Variants in USH2A observed in about 807,000 individuals in gnomAD.
USH2A encodes usherin.
In USH2A, 443 loss-of-function variants were observed where a neutral mutation model predicts 538.9. The observed-to-expected ratio is 0.82, with a 90% CI of 0.76 to 0.89. The LOEUF (loss-of-function observed/expected upper bound fraction) is 0.89. Ranked by LOEUF, USH2A falls within the 40% of genes least tolerant of loss-of-function variation. The pLI, the probability that USH2A is intolerant of heterozygous loss-of-function variation, is 0.00. For synonymous variants in USH2A, 2,413 were observed against 2,273.5 expected (o/e 1.06, Z -1.75); for missense variants, 6,633 against 6,324.8 (o/e 1.05, Z -1.65).
chr1:215,880,250 A>C (rs1375084308), intron 41 of USH2A, among the ~76,000 whole-genome samples: 3 of 152,172 alleles, frequency 2.0e-5, no homozygotes, highest in Non-Finnish European at 1.5e-5. Flanking sequence ...ATCTTAAATC[A>C]AAGGGAGAAG....
At chr1:215,679,363 G>A (rs1009302495) in intron 62 of USH2A, among the ~76,000 whole-genome samples, 2 of 152,182 alleles carry the variant, frequency 1.3e-5, no homozygotes, top group Non-Finnish European at 2.9e-5. Context: ...GCAGCTGCAG[G>A]CTGGGGGACT....
At chr1:215,867,796 G>A (rs145633352) in intron 43 of USH2A, among the ~76,000 whole-genome samples, 3 of 152,178 alleles carry the variant, frequency 2.0e-5, no homozygotes, top group Non-Finnish European at 4.4e-5. Context: ...AGTGGAAACC[G>A]AATATTACTT....
chr1:216,065,226 A>C (rs934316175), intron 30 of USH2A, among the ~76,000 whole-genome samples: 14 of 152,222 alleles, frequency 9.2e-5, no homozygotes, highest in Non-Finnish European at 1.5e-5. Flanking sequence ...TATCCTTCAG[A>C]ATCTTGGGAG....
chr1:215,873,078 A>G (rs1664664332), intron 43 of USH2A, among the ~76,000 whole-genome samples: 1 of 152,122 alleles, frequency 6.6e-6, no homozygotes, highest in South Asian at 2.1e-4. Context: ...GAGGTAACAC[A>G]TAATATGATG....
chr1:215,795,533 G>T (rs749404053), intron 50 of USH2A, among the ~76,000 whole-genome samples: 1 of 152,108 alleles, frequency 6.6e-6, no homozygotes, highest in Admixed American at 6.6e-5. Context: ...AACAAAGGAC[G>T]GAGTATAGCA....
rs576482240 is a variant in USH2A, at chr1:216,253,089, G to A, written c.1972-1991C>T. 2.0e-5 allele frequency among the ~76,000 whole-genome samples: 3 copies of A among 151,204 alleles called. No individual in the cohort carries two copies. In the East Asian group the frequency reaches 5.8e-4, roughly 29 times the overall value. ...ACTTTTTCAAAGAGCAAGGAAGTGT[G>A]CAAAAGGTAAAGAGAAATAAAAGTG... is the stretch of plus-strand genomic sequence containing the variant. On this transcript the variant is annotated intron_variant, in intron 11 of 71. Transcript: ENST00000307340.
At chr1:216,261,998 C>G (rs759943950) in intron 11 of USH2A, among the ~76,000 whole-genome samples, 8 of 152,190 alleles carry the variant, frequency 5.3e-5, no homozygotes, top group Admixed American at 1.3e-4. Context: ...AGAGACTACA[C>G]TACTGTGCCC....
At chr1:216,070,727 A>C (rs1395380297) in intron 29 of USH2A, among the ~76,000 whole-genome samples, 1 of 152,092 alleles carries the variant, frequency 6.6e-6, no homozygotes, top group Non-Finnish European at 1.5e-5. Context: ...AAAAAATCAC[A>C]AATGTGATTG....
chr1:216,012,337 C>T (rs888574351), intron 32 of USH2A, among the ~76,000 whole-genome samples: 1 of 152,004 alleles, frequency 6.6e-6, no homozygotes, highest in African/African-American at 2.4e-5. Context: ...CAGGCCCTTC[C>T]CTACACATCA....
intron 61 of USH2A, among the ~76,000 whole-genome samples, chr1:215,705,687 A>G (rs1016471998): frequency 1.3e-5 from 2 of 152,210 alleles, no homozygotes; most frequent in African/African-American, 4.8e-5. Context: ...TCTTGGTCAC[A>G]ACACTAATGG....
intron 4 of USH2A, among the ~76,000 whole-genome samples, chr1:216,352,472 G>A (rs1157764589): frequency 6.6e-6 from 1 of 150,762 alleles, no homozygotes; most frequent in Non-Finnish European, 1.5e-5. Flanking sequence ...TTTGACAAGT[G>A]TAGCTTAAGT....
chr1:216,034,718 G>T (rs970305588), intron 32 of USH2A, among the ~76,000 whole-genome samples: 5 of 152,092 alleles, frequency 3.3e-5, no homozygotes, highest in Non-Finnish European at 5.9e-5. Context: ...CTGACTGTCA[G>T]AATACCACTG....
rs55865063 is a variant in USH2A at position 216,070,025 on chromosome 1, T to C, written c.6049+76A>G. ...TTTAATACATTTTTCTAAAAAACAT[T>C]TGCAGAAGATTTTTATTTAAAATGC... is the stretch of plus-strand genomic sequence containing the variant. On this transcript the variant is annotated intron_variant, in intron 30 of 71. Coordinates refer to ENST00000307340, the MANE Select transcript of USH2A (RefSeq NM_206933.4). 28 of 1,527,150 alleles carry C rather than the reference T, an allele frequency of 1.8e-5. No individual in the cohort carries two copies. The East Asian group carries it at 6.5e-4, about 36-fold the overall frequency. The allele number at this position is 1,527,150 out of a possible 1,614,324, so 94.6% of individuals were successfully genotyped here. A position where few individuals can be genotyped will look rare whatever the true frequency, so the allele number is the denominator to read the frequency against.
In USH2A at chr1:216,325,332, T is replaced by C. The variant is rs754923350; in HGVS notation, c.1116A>G (p.Ser372=). The C allele has an allele frequency of 1.2e-6, 2 of 1,613,800 alleles. No individual in the cohort carries two copies. The highest frequency in any genetic ancestry group is 2.2e-5 in the South Asian group (2 of 91,060). ...GATACTGTCCATTTTCCAAATCAAC[T>C]GAAATAGTCACTCCTTGATTAAGCT... ...ITQLNQGVTI[S]VDLENGQYQV... The change falls in exon 6 of 72, where the codon TCA becomes TCG. Residue 372 remains serine, a synonymous_variant. Coordinates refer to ENST00000307340, the MANE Select transcript of USH2A (RefSeq NM_206933.4).
intron 43 of USH2A, among the ~76,000 whole-genome samples, chr1:215,877,539 A>C (rs917280655): frequency 6.6e-6 from 1 of 152,206 alleles, no homozygotes; most frequent in African/African-American, 2.4e-5. Flanking sequence ...CTACAAGTTC[A>C]ACTTCAAAAG....
chr1:215,931,233 T>C (rs1457748017), intron 38 of USH2A, among the ~76,000 whole-genome samples: 1 of 152,004 alleles, frequency 6.6e-6, no homozygotes, highest in African/African-American at 2.4e-5. Context: ...AAATAACTTG[T>C]GTTTATCATA....
intron 21 of USH2A, among the ~76,000 whole-genome samples, chr1:216,116,312 C>T (rs1463061448): frequency 2.0e-5 from 3 of 151,898 alleles, no homozygotes; most frequent in Non-Finnish European, 4.4e-5. Context: ...ATTGATCTTA[C>T]AATATCTACT....
chr1:215,815,131 A>C (rs1191861161), intron 48 of USH2A, among the ~76,000 whole-genome samples: 1 of 151,908 alleles, frequency 6.6e-6, no homozygotes, highest in Non-Finnish European at 1.5e-5. Context: ...TTTTTTTTGA[A>C]ATTTAACTGA....
chr1:216,366,413 T>C (rs1383467035), intron 3 of USH2A, among the ~76,000 whole-genome samples: 4 of 152,048 alleles, frequency 2.6e-5, no homozygotes, highest in Non-Finnish European at 4.4e-5. Context: ...GGGTACAGCA[T>C]GTTTGGGAGA....
Sources: gnomAD v4.1 joint callset for allele counts (sites outside exome capture counted in the v4.1 genomes callset) on GRCh38, gnomAD v4.1.1 for gene constraint, MANE v1.5 for transcripts, NCBI Gene and HGNC (gene_info 2026-07-23, HGNC 2026-07-21) for gene names.